OPN3: variants seen among roughly 807,000 people sequenced by gnomAD.
OPN3 encodes opsin-3.
OPN3 carries 29 observed loss-of-function variants against 33.8 expected under a neutral mutation model. That is an observed-to-expected ratio of 0.86 (90% CI 0.64 to 1.17). OPN3 has a LOEUF of 1.17. Ranked by LOEUF, OPN3 falls within the 50% of genes most tolerant of loss-of-function variation. The pLI is 0.00. For synonymous variants in OPN3, 216 were observed against 216.1 expected, an observed-to-expected ratio of 1.00 and a Z score of 0.00; for missense variants, 437 against 514.1, an observed-to-expected ratio of 0.85 and a Z score of 1.45.
intron 1 of OPN3, among the ~76,000 whole-genome samples, chr1:241,636,250 G>A (rs1048564788): frequency 2.6e-5 from 4 of 152,130 alleles, no homozygotes; most frequent in African/African-American, 9.7e-5. Flanking sequence ...GGACAATAGA[G>A]ATATAACAGC....
chr1:241,629,621 C>A (rs1664540520), intron 1 of OPN3: 1 of 152,012 alleles, frequency 6.6e-6, no homozygotes, highest in Non-Finnish European at 1.5e-5. Context: ...AAAACTTTTT[C>A]TCTTAGTTGA....
chr1:241,634,060 G>T, intron 1 of OPN3: 1 of 1,612,452 alleles, frequency 6.2e-7, no homozygotes, highest in Non-Finnish European at 8.5e-7. Context: ...TGGAAGGCAA[G>T]CCATTATACG....
intron 2 of OPN3, among the ~76,000 whole-genome samples, chr1:241,599,471 T>C (rs1290621576): frequency 6.6e-6 from 1 of 152,110 alleles, no homozygotes. Flanking sequence ...GGTAAATAAT[T>C]TACCTTTAAA....
chr1:241,616,626 A>AT (rs1194813028), intron 1 of OPN3, among the ~76,000 whole-genome samples: 2 of 152,052 alleles, frequency 1.3e-5, no homozygotes, highest in Non-Finnish European at 2.9e-5. Context: ...ATTATTATGT[A>AT]TTTGCTGCTG....
At chr1:241,621,093 G>C (rs1664260816) in intron 1 of OPN3, among the ~76,000 whole-genome samples, 2 of 152,168 alleles carry the variant, frequency 1.3e-5, no homozygotes, top group African/African-American at 2.4e-5. Flanking sequence ...AAATACATAA[G>C]TGTGAATTTT....
At chr1:241,632,734 C>T (rs946170245) in intron 1 of OPN3, 3 of 152,058 alleles carry the variant, frequency 2.0e-5, no homozygotes, top group Non-Finnish European at 4.4e-5. Flanking sequence ...TCATTCCTAT[C>T]AGTTATGTTA....
At chr1:241,634,405 G>A in intron 1 of OPN3, 2 of 1,613,806 alleles carry the variant, frequency 1.2e-6, no homozygotes, top group African/African-American at 1.3e-5. Flanking sequence ...CTGCCCTAGA[G>A]ATCTGCTTAT....
At chr1:241,615,802 T>C (rs1189226926) in intron 1 of OPN3, 1 of 455,740 alleles carries the variant, frequency 2.2e-6, no homozygotes, top group Non-Finnish European at 4.4e-6. Flanking sequence ...GGTGGCTCTA[T>C]GACTATAGTT....
intron 1 of OPN3, chr1:241,636,090 C>A: frequency 2.3e-6 from 1 of 438,338 alleles, no homozygotes; most frequent in South Asian, 7.1e-5. Context: ...GAAGAAAATT[C>A]AAGAAAGAAT....
At chr1:241,609,607 C>A (rs919359905) in intron 1 of OPN3, among the ~76,000 whole-genome samples, 2 of 152,166 alleles carry the variant, frequency 1.3e-5, no homozygotes, top group Non-Finnish European at 2.9e-5. Flanking sequence ...CACAACATTA[C>A]AGAACAATGT....
Position 241,640,297 on chromosome 1 carries a change from G to C in OPN3, c.-43C>G. The C allele has an allele frequency of 8.8e-7, 1 of 1,131,678 alleles. No individual in the cohort carries two copies. Among genetic ancestry groups the C allele is most frequent in the Non-Finnish European group, 1.1e-6 (1 of 927,158 alleles). The allele number at this position is 1,131,678 out of a possible 1,614,324, so 70.1% of individuals were successfully genotyped here. A position where few individuals can be genotyped will look rare whatever the true frequency, so the allele number is the denominator to read the frequency against. ...CCTGGCGGGCGGAGGCGCTCAGCTT[G>C]CGGCGGGGCTCGCGGCGCGCTCCGC... On this transcript the variant is annotated 5_prime_UTR_variant, in exon 1 of 4. Coordinates refer to ENST00000366554, the MANE Select transcript of OPN3 (RefSeq NM_014322.3).
chr1:241,635,829 T>C, intron 1 of OPN3: 2 of 1,480,070 alleles, frequency 1.4e-6, no homozygotes, highest in Non-Finnish European at 1.8e-6. Flanking sequence ...GATTATGCTG[T>C]AATAAAATCT....
intron 1 of OPN3, among the ~76,000 whole-genome samples, chr1:241,626,045 T>C (rs1337083415): frequency 6.6e-6 from 1 of 152,240 alleles, no homozygotes; most frequent in Non-Finnish European, 1.5e-5. Context: ...ATTATTTAGA[T>C]GGAACCTCTT....
At position 241,634,559 on chromosome 1, in the gene OPN3, C is replaced by T. The variant is rs772929547; in HGVS notation, c.373+5323G>A. ...GACTACAAAGCATTGTACTTTATGA[C>T]GAAGACAATAGATTCCACCAAAAAC... On this transcript the variant is annotated intron_variant, in intron 1 of 3. Transcript: ENST00000366554. 7.4e-6 allele frequency: 12 copies of T among 1,613,688 alleles called. No homozygotes were observed. The highest frequency in any genetic ancestry group is 6.7e-5 in the Admixed American group (4 of 59,960).
chr1:241,624,181 C>T (rs1573962279), intron 1 of OPN3, among the ~76,000 whole-genome samples: 4 of 150,652 alleles, frequency 2.7e-5, no homozygotes, highest in African/African-American at 9.8e-5. Flanking sequence ...CCTGCCTCTC[C>T]ACGCCAGGCC....
At chr1:241,622,466 C>T (rs1027350031) in intron 1 of OPN3, among the ~76,000 whole-genome samples, 1 of 152,158 alleles carries the variant, frequency 6.6e-6, no homozygotes, top group South Asian at 2.1e-4. Context: ...TTGATTCCCT[C>T]TTATTTATGT....
intron 1 of OPN3, among the ~76,000 whole-genome samples, chr1:241,623,686 TCTAC>T (rs1664329228): frequency 6.6e-6 from 1 of 152,244 alleles, no homozygotes; most frequent in Non-Finnish European, 1.5e-5. Flanking sequence ...TCTTTCCCTC[TCTAC>T]CTAACTTGTA....
Position 241,594,109 on chromosome 1 carries a change from C to T in OPN3, c.*319G>A, listed in dbSNP as rs569265688. On this transcript the variant is annotated 3_prime_UTR_variant, in exon 4 of 4. Coordinates refer to ENST00000366554, the MANE Select transcript of OPN3 (RefSeq NM_014322.3). ...AGGTATTTTCGAGAAAAATGCATTA[C>T]GTGTTTTGGAAAATAGAGTAATTTA... The T allele has an allele frequency of 1.8e-3, 507 of 274,422 alleles. 14 individuals carry two copies. The South Asian group carries it at 0.033, about 18-fold the overall frequency. 17.0% of individuals were successfully genotyped at this position (274,422 alleles called of 1,614,324 possible). A position where few individuals can be genotyped will look rare whatever the true frequency, so the allele number is the denominator to read the frequency against.
rs1665067244 is a variant in OPN3, at chr1:241,640,162, G to T, written c.93C>A (p.Ser31Arg). The T allele has an allele frequency of 2.7e-6, 4 of 1,484,240 alleles. No homozygotes were observed. In the Admixed American group the frequency reaches 7.4e-5, roughly 28 times the overall value. 91.9% of individuals were successfully genotyped at this position (1,484,240 alleles called of 1,614,324 possible). A position where few individuals can be genotyped will look rare whatever the true frequency, so the allele number is the denominator to read the frequency against. ...AEGPAPAGTL[S>R]PAPLFSPGTY... ...TGCCGGGGCTGAAGAGGGGCGCGGG[G>T]CTCAGTGTCCCCGCCGGCGCCGGCC... Residue 31 changes from serine to arginine, a missense_variant, in exon 1 of 4, where the codon AGC becomes AGA. Ser to Arg is a moderately radical substitution (Grantham distance 110, BLOSUM62 -1). Transcript: ENST00000366554.
Sources: allele counts gnomAD v4.1 joint callset (sites outside exome capture counted in the v4.1 genomes callset), GRCh38; gene constraint gnomAD v4.1.1; transcripts MANE v1.5; gene names NCBI Gene and HGNC (gene_info 2026-07-23, HGNC 2026-07-21).